The following TMEM178B variants were observed in gnomAD, a reference collection of about 807,000 sequenced individuals.
The protein encoded by TMEM178B is transmembrane protein 178B.
TMEM178B carries 5 observed loss-of-function variants against 31.0 expected under a neutral mutation model. That is an observed-to-expected ratio of 0.16 (90% CI 0.08 to 0.34). TMEM178B has a LOEUF of 0.34. Among genes scored for constraint, TMEM178B ranks in the 10% least tolerant of loss-of-function variants. The pLI is 1.00. For synonymous variants in TMEM178B, 164 were observed against 164.0 expected, an observed-to-expected ratio of 1.00 and a Z score of 0.00; for missense variants, 275 against 400.3, an observed-to-expected ratio of 0.69 and a Z score of 2.67.
At chr7:141,362,039 G>T (rs1314398659) in intron 2 of TMEM178B, among the ~76,000 whole-genome samples, 1 of 152,228 alleles carries the variant, frequency 6.6e-6, no homozygotes, top group East Asian at 1.9e-4. Flanking sequence ...TTTAGTGCGT[G>T]GCAATGGCTA....
Position 141,344,606 on chromosome 7 carries a change from T to TCCTC in TMEM178B, c.497-92999_497-92998insCCCT, listed in dbSNP as rs1331578628. On this transcript the variant is annotated intron_variant, in intron 2 of 3. Coordinates refer to ENST00000565468, the MANE Select transcript of TMEM178B (RefSeq NM_001195278.2). The surrounding 1 kb of genome is among the most constrained non-coding windows in gnomAD (Gnocchi z 4.1). ...TTCCTTCCTTCCTTCCTTCCTTCCT[T>TCCTC]CCTTCCTTCCTTCCTTCCTTCCTCC... is the stretch of plus-strand genomic sequence containing the variant. Among the ~76,000 whole-genome samples the TCCTC allele has an allele frequency of 2.7e-5, 4 of 150,208 alleles. No individual in the cohort carries two copies. The highest frequency in any genetic ancestry group is 4.9e-5 in the African/African-American group (2 of 40,618).
At chr7:141,146,873 G>A (rs144433643) in intron 1 of TMEM178B, among the ~76,000 whole-genome samples, 13 of 152,254 alleles carry the variant, frequency 8.5e-5, no homozygotes, top group African/African-American at 2.2e-4. Context: ...CTGTGTCTGC[G>A]CATGAGGATT....
At chr7:141,293,193 A>C in intron 2 of TMEM178B, among the ~76,000 whole-genome samples, 1 of 152,264 alleles carries the variant, frequency 6.6e-6, no homozygotes, top group Non-Finnish European at 1.5e-5. Context: ...TCAAAGATAC[A>C]AGACCTGACT....
intron 2 of TMEM178B, among the ~76,000 whole-genome samples, chr7:141,220,311 AAATAATAATAATAATAAT>A (rs143440134): frequency 0.044 from 6,226 of 140,614 alleles, 303 homozygotes; most frequent in African/African-American, 0.11. Flanking sequence ...ACTCCATCTC[AAATAATAATAATAATAAT>A]AATAATAATA....
chr7:141,207,500 T>C (rs1796985783), intron 1 of TMEM178B, among the ~76,000 whole-genome samples: 1 of 152,242 alleles, frequency 6.6e-6, no homozygotes, highest in Non-Finnish European at 1.5e-5. Context: ...TATGAGGTGA[T>C]ATCCCCTTGT....
intron 1 of TMEM178B, among the ~76,000 whole-genome samples, chr7:141,141,069 G>A (rs1048389515): frequency 6.6e-6 from 1 of 152,002 alleles, no homozygotes; most frequent in Non-Finnish European, 1.5e-5. Context: ...TATATAAATT[G>A]TTTGGTATTT....
intron 2 of TMEM178B, among the ~76,000 whole-genome samples, chr7:141,435,198 G>A (rs1230480709): frequency 6.6e-6 from 1 of 152,214 alleles, no homozygotes; most frequent in Non-Finnish European, 1.5e-5. Context: ...GCAGAGGAAT[G>A]AAACTAGGCC....
intron 2 of TMEM178B, among the ~76,000 whole-genome samples, chr7:141,284,836 G>GA (rs1474153636): frequency 6.6e-6 from 1 of 152,068 alleles, no homozygotes; most frequent in Non-Finnish European, 1.5e-5. Context: ...GGATATCAAG[G>GA]GTTATTGGAA....
At position 141,413,084 on chromosome 7, in the gene TMEM178B, G is replaced by A. The variant is rs114091521; in HGVS notation, c.497-24524G>A. 1.7e-3 allele frequency among the ~76,000 whole-genome samples: 266 copies of A among 152,256 alleles called. 1 individual carries two copies. Among genetic ancestry groups the A allele is most frequent in the African/African-American group, 6.3e-3 (261 of 41,542 alleles). Reference sequence around the variant, plus strand: ...TTTGATCTTCCATGTTATGAAAAGCGTTGGTCCGCCAACCATGAATTTTAC... The same window carrying A: ...TTTGATCTTCCATGTTATGAAAAGCATTGGTCCGCCAACCATGAATTTTAC... On this transcript the variant is annotated intron_variant, in intron 2 of 3. Transcript: ENST00000565468.
In TMEM178B at chr7:141,171,006, TCACACACACATACA is replaced by T. The variant is rs1364188580; in HGVS notation, c.383-41574_383-41561del. Among the ~76,000 whole-genome samples the T allele has an allele frequency of 1.6e-5, 2 of 122,836 alleles. No homozygotes were observed. The highest frequency in any genetic ancestry group is 3.3e-5 in the African/African-American group (1 of 30,726). The allele number at this position is 122,836 out of a possible 152,430, so 80.6% of individuals were successfully genotyped here. ...GGTTATTACAGGTTCAGACTACACATCACACACACATACACACACACACACACACACACACACAC... is the reference window on the plus strand; with the variant it reads ...GGTTATTACAGGTTCAGACTACACATCACACACACACACACACACACACAC... On this transcript the variant is annotated intron_variant, in intron 1 of 3. Transcript: ENST00000565468. The surrounding 1 kb of genome is among the most constrained non-coding windows in gnomAD (Gnocchi z 4.3).
At chr7:141,285,664 A>G (rs756069992) in intron 2 of TMEM178B, among the ~76,000 whole-genome samples, 1 of 152,170 alleles carries the variant, frequency 6.6e-6, no homozygotes, top group Admixed American at 6.5e-5. Context: ...TTGCAGCACT[A>G]TTCACAATAG....
chr7:141,270,419 A>G (rs1014122705), intron 2 of TMEM178B, among the ~76,000 whole-genome samples: 1 of 152,112 alleles, frequency 6.6e-6, no homozygotes, highest in Non-Finnish European at 1.5e-5. Flanking sequence ...GAGGGACAAT[A>G]AGAAGCTGAC....
intron 2 of TMEM178B, among the ~76,000 whole-genome samples, chr7:141,280,898 A>G (rs1018862621): frequency 6.6e-6 from 1 of 152,140 alleles, no homozygotes; most frequent in Admixed American, 6.5e-5. Flanking sequence ...CCTGCAAAGC[A>G]TTCTGGTCTT....
intron 2 of TMEM178B, among the ~76,000 whole-genome samples, chr7:141,234,659 A>G (rs753361772): frequency 2.0e-5 from 3 of 152,162 alleles, no homozygotes; most frequent in Non-Finnish European, 2.9e-5. Flanking sequence ...ACATTTCCTC[A>G]TTCTGGGTTA....
At chr7:141,271,002 A>G (rs1325498663) in intron 2 of TMEM178B, among the ~76,000 whole-genome samples, 2 of 152,144 alleles carry the variant, frequency 1.3e-5, no homozygotes, top group Admixed American at 6.5e-5. Flanking sequence ...AGGCCTTCTC[A>G]TTCCCAAGTC....
At chr7:141,224,016 A>C (rs1413427512) in intron 2 of TMEM178B, among the ~76,000 whole-genome samples, 1 of 152,202 alleles carries the variant, frequency 6.6e-6, no homozygotes, top group Non-Finnish European at 1.5e-5. Flanking sequence ...GAGATAATTG[A>C]ATCATGGGGG....
At chr7:141,402,457 G>A (rs971473430) in intron 2 of TMEM178B, among the ~76,000 whole-genome samples, 2 of 152,192 alleles carry the variant, frequency 1.3e-5, no homozygotes, top group Non-Finnish European at 2.9e-5. Flanking sequence ...CCATGTGGGA[G>A]CTGCATCTTG....
chr7:141,201,165 C>G (rs908184990), intron 1 of TMEM178B, among the ~76,000 whole-genome samples: 2 of 152,214 alleles, frequency 1.3e-5, no homozygotes, highest in Non-Finnish European at 2.9e-5. Context: ...TCGGCGCCAT[C>G]CCCTCGGGTG....
chr7:141,383,809 G>T (rs941247871), intron 2 of TMEM178B, among the ~76,000 whole-genome samples: 3 of 152,132 alleles, frequency 2.0e-5, no homozygotes, highest in African/African-American at 4.8e-5. Flanking sequence ...TTCTACAATG[G>T]TTGAACTAGT....
Sources: gnomAD v4.1 joint callset for allele counts (sites outside exome capture counted in the v4.1 genomes callset) on GRCh38, gnomAD v4.1.1 for gene constraint, Gnocchi (gnomAD v3.1) non-coding constraint, MANE v1.5 for transcripts, NCBI Gene and HGNC (gene_info 2026-07-23, HGNC 2026-07-21) for gene names.